Variants in NPY2R observed in about 807,000 individuals in gnomAD.
NPY2R encodes neuropeptide Y receptor type 2.
In NPY2R, 17 loss-of-function variants were observed where a neutral mutation model predicts 22.3. The ratio of observed to expected loss-of-function variants is 0.76; its 90% CI spans 0.52 to 1.14. The LOEUF (loss-of-function observed/expected upper bound fraction) is 1.14, where lower values mean the gene tolerates loss of function less well. Ranked by LOEUF, NPY2R falls within the 50% of genes most tolerant of loss-of-function variation. NPY2R has a pLI of 0.00. For missense variants in NPY2R, 424 were observed against 467.9 expected (o/e 0.91, Z 0.87); for synonymous variants, 209 against 183.4 (o/e 1.14, Z -1.13).
the NPY2R span, among the ~76,000 whole-genome samples, chr4:155,198,384 T>C: frequency 1.3e-5 from 2 of 149,654 alleles, no homozygotes; most frequent in Non-Finnish European, 3.0e-5. Flanking sequence ...AAACACCAAA[T>C]TGGTAAATTT....
At chr4:155,175,067 T>C in the NPY2R span, among the ~76,000 whole-genome samples, 1 of 152,154 alleles carries the variant, frequency 6.6e-6, no homozygotes, top group East Asian at 1.9e-4. Context: ...AGGACCCACC[T>C]TGCTCTTCTA....
In NPY2R at chr4:155,214,903, C is replaced by A. The variant is rs1729483228; in HGVS notation, c.964C>A (p.Pro322Thr). The change falls in exon 2 of 2, where the codon CCC becomes ACC. Residue 322 changes from proline (P) to threonine (T), a missense_variant. Transcript: ENST00000329476. The part of the protein sequence containing the change: ...IIAMCSTFAN[P>T]LLYGWMNSNY... ...CGCCATGTGCTCCACTTTTGCCAAT[C>A]CCCTTCTCTATGGCTGGATGAACAG... The A allele has an allele frequency of 6.2e-7, 1 of 1,613,060 alleles. No individual in the cohort carries two copies. Among genetic ancestry groups the A allele is most frequent in the Non-Finnish European group, 8.5e-7 (1 of 1,179,342 alleles).
chr4:155,210,310 TC>T (rs11314604), intron 1 of NPY2R, among the ~76,000 whole-genome samples: 20,744 of 152,132 alleles, frequency 0.14, 1,513 homozygotes, highest in South Asian at 0.17. Flanking sequence ...AGCTTGTAGA[TC>T]AACAACCATT....
chr4:155,181,044 C>G, the NPY2R span, among the ~76,000 whole-genome samples: 1 of 152,096 alleles, frequency 6.6e-6, no homozygotes, highest in Admixed American at 6.6e-5. Flanking sequence ...ATTTGTATTA[C>G]TAGAAAAGTC....
chr4:155,200,888 C>G, the NPY2R span, among the ~76,000 whole-genome samples: 2 of 151,974 alleles, frequency 1.3e-5, no homozygotes, highest in Middle Eastern at 3.4e-3. Context: ...AGCATTAAGA[C>G]AAACTGCTAA....
chr4:155,175,338 T>C, the NPY2R span, among the ~76,000 whole-genome samples: 1 of 152,144 alleles, frequency 6.6e-6, no homozygotes, highest in African/African-American at 2.4e-5. Context: ...TTTAAAGTTT[T>C]TAAAAGTGGA....
chr4:155,211,780 T>C (rs370353748), intron 1 of NPY2R, among the ~76,000 whole-genome samples: 7 of 152,046 alleles, frequency 4.6e-5, no homozygotes, highest in East Asian at 1.9e-4. Context: ...TCCAGCTGGA[T>C]GGATATGAGG....
chr4:155,183,260 G>A, the NPY2R span, among the ~76,000 whole-genome samples: 1 of 152,128 alleles, frequency 6.6e-6, no homozygotes, highest in Non-Finnish European at 1.5e-5. Context: ...CTCTCTGTGC[G>A]GTGCCTACTT....
the NPY2R span, among the ~76,000 whole-genome samples, chr4:155,198,032 C>T: frequency 6.6e-6 from 1 of 151,960 alleles, no homozygotes; most frequent in Non-Finnish European, 1.5e-5. Context: ...TTAAACCAAG[C>T]TTCATAAAAA....
the NPY2R span, among the ~76,000 whole-genome samples, chr4:155,196,293 AG>A: frequency 1.3e-5 from 2 of 152,090 alleles, no homozygotes; most frequent in African/African-American, 4.8e-5. Context: ...TCCTGAGAGT[AG>A]GTTATCATGG....
Position 155,215,044 on chromosome 4 carries a change from A to G in NPY2R, c.1105A>G (p.Ser369Gly), listed in dbSNP as rs1340622149. Residue 369 changes from serine (S) to glycine (G), a missense_variant, in exon 2 of 2, where the codon AGT (serine) becomes GGT (glycine). Coordinates refer to ENST00000329476, the MANE Select transcript of NPY2R (RefSeq NM_000910.4). ...AAAGAACCTGGAGGTCAGAAAGAACAGTGGCCCCAATGACTCTTTCACAGA... is the reference window on the plus strand; with the variant it reads ...AAAGAACCTGGAGGTCAGAAAGAACGGTGGCCCCAATGACTCTTTCACAGA... ...AKKNLEVRKN[S>G]GPNDSFTEAT... The G allele has an allele frequency of 1.2e-6, 2 of 1,613,604 alleles. No homozygotes were observed. Among genetic ancestry groups the G allele is most frequent in the African/African-American group, 1.3e-5 (1 of 74,956 alleles).
chr4:155,197,132 C>T, the NPY2R span, among the ~76,000 whole-genome samples: 61 of 151,942 alleles, frequency 4.0e-4, no homozygotes, highest in African/African-American at 1.5e-3. Context: ...TATATATTTA[C>T]TCTGAGTTTT....
chr4:155,211,899 G>C (rs993348030), intron 1 of NPY2R, among the ~76,000 whole-genome samples: 1 of 152,188 alleles, frequency 6.6e-6, no homozygotes, highest in Non-Finnish European at 1.5e-5. Flanking sequence ...TAGAGGCACT[G>C]CCAAGAGCAG....
chr4:155,175,310 C>T, the NPY2R span, among the ~76,000 whole-genome samples: 1 of 152,040 alleles, frequency 6.6e-6, no homozygotes, highest in Non-Finnish European at 1.5e-5. Flanking sequence ...GAGATACAGT[C>T]AGTGAAAACT....
the NPY2R span, among the ~76,000 whole-genome samples, chr4:155,189,770 AT>A: frequency 6.6e-6 from 1 of 151,914 alleles, no homozygotes; most frequent in East Asian, 1.9e-4. Context: ...ATGTTTCCTA[AT>A]TCAATTTTTT....
At chr4:155,210,334 T>C (rs1729378414) in intron 1 of NPY2R, among the ~76,000 whole-genome samples, 1 of 152,140 alleles carries the variant, frequency 6.6e-6, no homozygotes, top group Non-Finnish European at 1.5e-5. Flanking sequence ...TACAGAGAAG[T>C]TGTAAATAAA....
At chr4:155,176,213 T>C in the NPY2R span, among the ~76,000 whole-genome samples, 1 of 152,288 alleles carries the variant, frequency 6.6e-6, no homozygotes, top group Non-Finnish European at 1.5e-5. Flanking sequence ...TTTGAGACTG[T>C]ATATCCCTTC....
chr4:155,191,637 G>A, the NPY2R span, among the ~76,000 whole-genome samples: 1 of 151,794 alleles, frequency 6.6e-6, no homozygotes, highest in Non-Finnish European at 1.5e-5. Flanking sequence ...TAACTAAGTG[G>A]CAAACCCTTA....
chr4:155,209,026 A>G lies in NPY2R; in HGVS notation c.-92A>G, dbSNP rs992370096. The G allele has an allele frequency of 3.3e-5, 5 of 152,360 alleles. No individual in the cohort carries two copies. Among genetic ancestry groups the G allele is most frequent in the Non-Finnish European group, 5.9e-5 (4 of 68,102 alleles). The allele number at this position is 152,360 out of a possible 1,614,324, so 9.4% of individuals were successfully genotyped here. The stretch of plus-strand genomic sequence containing the variant: ...TAATCATCGGACAGACGGACTGCAC[A>G]CATCTTGTTTCCGCGTCTCCGCAAA... On this transcript the variant is annotated 5_prime_UTR_variant, in exon 1 of 2. Coordinates refer to ENST00000329476, the MANE Select transcript of NPY2R (RefSeq NM_000910.4).
Sources: allele counts gnomAD v4.1 joint callset (sites outside exome capture counted in the v4.1 genomes callset), GRCh38; gene constraint gnomAD v4.1.1; transcripts MANE v1.5; gene names NCBI Gene and HGNC (gene_info 2026-07-23, HGNC 2026-07-21).